Variants in CCDC171 observed in about 807,000 individuals in gnomAD.
CCDC171 encodes coiled-coil domain-containing protein 171.
In CCDC171, 177 loss-of-function variants were observed where a neutral mutation model predicts 168.2. The ratio of observed to expected loss-of-function variants is 1.05; its 90% CI spans 0.93 to 1.19. The LOEUF is 1.19. Ranked by LOEUF, CCDC171 falls within the 50% of genes most tolerant of loss-of-function variation. The pLI, the probability that CCDC171 is intolerant of heterozygous loss-of-function variation, is 0.00. For synonymous variants in CCDC171, 687 were observed against 540.8 expected (o/e 1.27, Z -3.75); for missense variants, 1,991 against 1,539.0 (o/e 1.29, Z -4.91).
intron 23 of CCDC171, among the ~76,000 whole-genome samples, chr9:15,849,498 G>A (rs1000348988): frequency 1.3e-5 from 2 of 151,280 alleles, no homozygotes; most frequent in Non-Finnish European, 3.0e-5. Context: ...TAAACTCTGA[G>A]TGTTAATTTG....
Position 15,987,381 on chromosome 9 carries a change from C to T in CCDC171, n.369-33208C>T, listed in dbSNP as rs554406773. Among the ~76,000 whole-genome samples, 5 of 152,108 alleles carry T rather than the reference C, an allele frequency of 3.3e-5. No individual in the cohort carries two copies. The South Asian group carries it at 8.3e-4, about 25-fold the overall frequency. On this transcript the variant is annotated intron_variant and non_coding_transcript_variant, in intron 3 of 9. Coordinates refer to the CCDC171 transcript ENST00000486641. ...TCCAAACCCTCATGACACAACTTAC[C>T]CATGTAATAAACCTGCACATGTACC... is the stretch of plus-strand genomic sequence containing the variant.
intron 6 of CCDC171, among the ~76,000 whole-genome samples, chr9:15,599,155 A>G (rs199816980): frequency 2.0e-5 from 3 of 152,028 alleles, no homozygotes; most frequent in African/African-American, 4.8e-5. Context: ...TACATTTAAG[A>G]TTAACGTTGT....
chr9:15,823,497 C>T (rs753518754), intron 21 of CCDC171, among the ~76,000 whole-genome samples: 10 of 151,988 alleles, frequency 6.6e-5, no homozygotes, highest in Admixed American at 3.3e-4. Flanking sequence ...AGCACATATA[C>T]CTTGGCTAGG....
At chr9:16,100,158 C>T in the CCDC171 span, among the ~76,000 whole-genome samples, 5 of 151,798 alleles carry the variant, frequency 3.3e-5, no homozygotes, top group Admixed American at 3.3e-4. Context: ...ACAGAACACT[C>T]TAATCTGTGT....
At chr9:15,992,111 G>GCA (rs1168439118) in intron 3 of CCDC171, among the ~76,000 whole-genome samples, 1 of 152,056 alleles carries the variant, frequency 6.6e-6, no homozygotes, top group African/African-American at 2.4e-5. Flanking sequence ...CCAAAGCCTG[G>GCA]CAGAGACACA....
At chr9:15,744,252 A>G (rs1385430897) in intron 16 of CCDC171, 21 bp from the exon 17 acceptor site, 3 of 1,542,058 alleles carry the variant, frequency 1.9e-6, no homozygotes, top group Admixed American at 4.1e-5. Flanking sequence ...GATCAAATAT[A>G]TTTTTTGACT....
At position 15,744,591 on chromosome 9, in the gene CCDC171, A is replaced by G; in HGVS notation, c.2368A>G (p.Lys790Glu). The G allele has an allele frequency of 1.9e-6, 3 of 1,614,230 alleles. No homozygotes were observed. Among genetic ancestry groups the G allele is most frequent in the Non-Finnish European group, 2.5e-6 (3 of 1,180,036 alleles). ...EEKKQEEAKM[K>E]KKTFKGLIRI... ...AAAGAAGCAAGAGGAAGCCAAGATG[A>G]AAAAGAAAACATTCAAAGGATTGAT... is the stretch of plus-strand genomic sequence containing the variant. The change falls in exon 17 of 26, where the codon AAA becomes GAA. Residue 790 changes from lysine (K) to glutamate (E), a missense_variant. By Grantham distance (56) the Lys-to-Glu change is moderately conservative. Coordinates refer to ENST00000380701, the MANE Select transcript of CCDC171 (RefSeq NM_173550.4).
At chr9:15,564,615 T>G (rs534747569) in intron 2 of CCDC171, among the ~76,000 whole-genome samples, 1 of 152,364 alleles carries the variant, frequency 6.6e-6, no homozygotes, top group African/African-American at 2.4e-5. Context: ...CTAATTGCTG[T>G]TGCTCATCTT....
intron 11 of CCDC171, among the ~76,000 whole-genome samples, chr9:15,716,182 T>C (rs1217995373): frequency 6.6e-6 from 1 of 152,182 alleles, no homozygotes; most frequent in African/African-American, 2.4e-5. Context: ...TAAGCACAAG[T>C]ATAGACAGAG....
At chr9:15,985,958 C>G (rs62546635) in intron 3 of CCDC171, among the ~76,000 whole-genome samples, 1 of 152,148 alleles carries the variant, frequency 6.6e-6, no homozygotes, top group South Asian at 2.1e-4. Context: ...TCTTTTTCTT[C>G]CCATTATTGG....
At chr9:15,858,315 A>G (rs961609288) in intron 23 of CCDC171, among the ~76,000 whole-genome samples, 3 of 152,028 alleles carry the variant, frequency 2.0e-5, no homozygotes, top group African/African-American at 7.2e-5. Context: ...CACTGCATCC[A>G]GCCATCTTTG....
intron 23 of CCDC171, among the ~76,000 whole-genome samples, chr9:15,857,843 G>A (rs146415324): frequency 6.6e-6 from 1 of 151,924 alleles, no homozygotes; most frequent in East Asian, 1.9e-4. Context: ...CCATATATGT[G>A]TGGATTTATT....
intron 6 of CCDC171, among the ~76,000 whole-genome samples, chr9:15,606,691 T>C (rs530128913): frequency 6.6e-6 from 1 of 152,324 alleles, no homozygotes; most frequent in East Asian, 1.9e-4. Flanking sequence ...TATATGAGTA[T>C]ATATAAAGAA....
chr9:15,570,919 G>T (rs2040174908), intron 2 of CCDC171, among the ~76,000 whole-genome samples: 1 of 152,194 alleles, frequency 6.6e-6, no homozygotes, highest in Admixed American at 6.5e-5. Context: ...TTTTCTGCCA[G>T]ACTGGGAAAG....
intron 1 of CCDC171, among the ~76,000 whole-genome samples, chr9:16,049,758 A>G (rs1252638535): frequency 6.6e-6 from 1 of 152,170 alleles, no homozygotes; most frequent in Non-Finnish European, 1.5e-5. Context: ...CTCCGTAATC[A>G]TGTGAGCCAA....
intron 7 of CCDC171, among the ~76,000 whole-genome samples, chr9:15,637,556 T>C (rs188953164): frequency 2.9e-3 from 438 of 151,790 alleles, no homozygotes; most frequent in Non-Finnish European, 4.2e-3. Flanking sequence ...GCCATGCTGG[T>C]GTGCTGCACC....
In CCDC171 at chr9:16,008,920, G is replaced by A. The variant is rs577749087; in HGVS notation, n.369-11669G>A. On this transcript the variant is annotated intron_variant and non_coding_transcript_variant, in intron 3 of 9. Coordinates refer to the CCDC171 transcript ENST00000486641. ...TGGCCATCATGTGAATTCCAGTGTC[G>A]GCAGACCTTTTTTTCATATAAGCAG... is the stretch of plus-strand genomic sequence containing the variant. Among the ~76,000 whole-genome samples the A allele has an allele frequency of 1.2e-3, 181 of 152,198 alleles. 1 individual carries two copies. Among genetic ancestry groups the A allele is most frequent in the African/African-American group, 4.0e-3 (165 of 41,526 alleles).
intron 25 of CCDC171, among the ~76,000 whole-genome samples, chr9:15,947,020 A>G (rs1313139137): frequency 2.6e-5 from 4 of 151,962 alleles, no homozygotes; most frequent in South Asian, 4.1e-4. Flanking sequence ...AGAATCTGTG[A>G]TAATAAAATT....
chr9:15,710,848 C>T (rs1211737873), intron 11 of CCDC171, among the ~76,000 whole-genome samples: 2 of 152,264 alleles, frequency 1.3e-5, no homozygotes, highest in East Asian at 1.9e-4. Flanking sequence ...CCACCTGCCT[C>T]GGCCTCCCAA....
Sources: gnomAD v4.1 joint callset for allele counts (sites outside exome capture counted in the v4.1 genomes callset) on GRCh38, gnomAD v4.1.1 for gene constraint, MANE v1.5 for transcripts, NCBI Gene and HGNC (gene_info 2026-07-23, HGNC 2026-07-21) for gene names.